The following ACVR1C variants were observed in gnomAD, a reference collection of about 807,000 sequenced individuals.
ACVR1C encodes the protein activin receptor type-1C.
ACVR1C carries 23 observed loss-of-function variants against 57.9 expected under a neutral mutation model. The ratio of observed to expected loss-of-function variants is 0.40; its 90% confidence interval spans 0.29 to 0.56. ACVR1C has a LOEUF of 0.56. Ranked by LOEUF, ACVR1C falls within the 20% of genes least tolerant of loss-of-function variation. The pLI is 0.50. For synonymous variants in ACVR1C, 214 were observed against 215.3 expected, an observed-to-expected ratio of 0.99 and a Z score of 0.05; for missense variants, 480 against 607.9, an observed-to-expected ratio of 0.79 and a Z score of 2.21.
chr2:157,606,624 A>T (rs2105144440), intron 1 of ACVR1C, among the ~76,000 whole-genome samples: 1 of 151,444 alleles, frequency 6.6e-6, no homozygotes, highest in Admixed American at 6.6e-5. Flanking sequence ...TCTATTCATA[A>T]TCTTTCCCCA....
Position 157,628,744 on chromosome 2 carries a change from A to G in ACVR1C, c.-100T>C. On this transcript the variant is annotated 5_prime_UTR_variant, in exon 1 of 9. Coordinates refer to ENST00000243349, the MANE Select transcript of ACVR1C (RefSeq NM_145259.3). ...TGAAGTTCCCGGGCCGCGGGAGGGG[A>G]GCGCGGCACCGACACCCTTTTGAAG... The G allele has an allele frequency of 9.2e-7, 1 of 1,088,794 alleles. No individual in the cohort carries two copies. Among genetic ancestry groups the G allele is most frequent in the Non-Finnish European group, 1.3e-6 (1 of 799,316 alleles). 67.4% of individuals were successfully genotyped at this position (1,088,794 alleles called of 1,614,324 possible).
At chr2:157,541,312 G>A (rs1687621471) in intron 6 of ACVR1C, 98 bp from the exon 7 acceptor site, 1 of 1,294,502 alleles carries the variant, frequency 7.7e-7, no homozygotes, top group Non-Finnish European at 1.0e-6. Context: ...ATTTTAAAAG[G>A]CAGATTTGAA....
chr2:157,623,309 G>A (rs1032486313), intron 1 of ACVR1C, among the ~76,000 whole-genome samples: 7 of 152,124 alleles, frequency 4.6e-5, no homozygotes, highest in Non-Finnish European at 1.0e-4. Flanking sequence ...GCACTTCCAT[G>A]TTTGTTGTAG....
chr2:157,596,902 G>A (rs1171244198), intron 1 of ACVR1C, among the ~76,000 whole-genome samples: 1 of 152,216 alleles, frequency 6.6e-6, no homozygotes, highest in African/African-American at 2.4e-5. Context: ...GTTAAAGGAT[G>A]TTAGGACAGT....
intron 1 of ACVR1C, among the ~76,000 whole-genome samples, chr2:157,608,435 C>T (rs1682456544): frequency 6.6e-6 from 1 of 151,676 alleles, no homozygotes; most frequent in East Asian, 1.9e-4. Flanking sequence ...GGGATATTGG[C>T]ATGTAGATTT....
chr2:157,616,469 T>C (rs1050099025), intron 1 of ACVR1C, among the ~76,000 whole-genome samples: 2 of 152,174 alleles, frequency 1.3e-5, no homozygotes, highest in Non-Finnish European at 2.9e-5. Flanking sequence ...TTCCACATTT[T>C]CCACTACAGT....
chr2:157,621,155 G>C (rs1682762445), intron 1 of ACVR1C, among the ~76,000 whole-genome samples: 1 of 152,120 alleles, frequency 6.6e-6, no homozygotes, highest in African/African-American at 2.4e-5. Context: ...ATGAATTCTT[G>C]AGATTAATTT....
intron 5 of ACVR1C, among the ~76,000 whole-genome samples, chr2:157,543,187 C>A (rs1330897665): frequency 2.0e-5 from 3 of 152,164 alleles, no homozygotes; most frequent in South Asian, 2.1e-4. Context: ...AAGAACATGG[C>A]AAATATTGTT....
chr2:157,542,560 C>T, intron 6 of ACVR1C, 146 bp downstream of exon 6: 1 of 964,594 alleles, frequency 1.0e-6, no homozygotes, highest in Non-Finnish European at 1.5e-6. Flanking sequence ...CACCCACTAA[C>T]TTCTCAGTGA....
At chr2:157,555,899 A>T (rs1413485517) in intron 3 of ACVR1C, among the ~76,000 whole-genome samples, 194 bp downstream of exon 3, 1 of 152,212 alleles carries the variant, frequency 6.6e-6, no homozygotes, top group Non-Finnish European at 1.5e-5. Flanking sequence ...AAAGCAACTG[A>T]GAAGACTTAA....
At chr2:157,547,914 A>C (rs921447578) in intron 4 of ACVR1C, among the ~76,000 whole-genome samples, 137 of 151,834 alleles carry the variant, frequency 9.0e-4, no homozygotes, top group Non-Finnish European at 1.4e-3. Flanking sequence ...CCTGAATGGT[A>C]ATGCCTAGGT....
Position 157,529,804 on chromosome 2 carries a change from G to GA in ACVR1C, c.*4113dup, listed in dbSNP as rs1455154798. ...AATGAAATATAAAGCAAGGCTAGATGAAAAAAAGAAAGTCAAATATCTATA... is the reference window on the plus strand; with the variant it reads ...AATGAAATATAAAGCAAGGCTAGATGAAAAAAAAGAAAGTCAAATATCTATA... On this transcript the variant is annotated 3_prime_UTR_variant, in exon 9 of 9. Transcript: ENST00000243349. The GA allele has an allele frequency of 2.0e-5, 3 of 151,742 alleles. No homozygotes were observed. Among genetic ancestry groups the GA allele is most frequent in the African/African-American group, 2.4e-5 (1 of 41,380 alleles). 9.4% of individuals were successfully genotyped at this position (151,742 alleles called of 1,614,324 possible). A position where few individuals can be genotyped will look rare whatever the true frequency, so the allele number is the denominator to read the frequency against.
intron 2 of ACVR1C, among the ~76,000 whole-genome samples, chr2:157,572,343 G>A (rs1323364005): frequency 1.6e-4 from 23 of 141,308 alleles, no homozygotes; most frequent in Non-Finnish European, 2.9e-4. Context: ...ATGTGCACAT[G>A]TACCCCAAAA....
rs1240950314 is a variant in ACVR1C, at chr2:157,554,267, GAAAGGAAGGAAGGA to G, written c.544+1812_544+1825del. On this transcript the variant is annotated intron_variant, in intron 3 of 8. Coordinates refer to ENST00000243349, the MANE Select transcript of ACVR1C (RefSeq NM_145259.3). ...AGAAAGAAAGAAAGAAAGAAAGAAA[GAAAGGAAGGAAGGA>G]AGAGAGAGAGAGAGAGAAAGAAAGA... Among the ~76,000 whole-genome samples, 51 of 131,862 alleles carry G rather than the reference GAAAGGAAGGAAGGA, an allele frequency of 3.9e-4. 2 individuals are homozygous for G. The highest frequency in any genetic ancestry group is 1.6e-3 in the African/African-American group (50 of 30,964). 86.5% of individuals were successfully genotyped at this position (131,862 alleles called of 152,430 possible). A position where few individuals can be genotyped will look rare whatever the true frequency, so the allele number is the denominator to read the frequency against.
intron 7 of ACVR1C, among the ~76,000 whole-genome samples, chr2:157,540,729 A>G (rs956015034): frequency 6.6e-6 from 1 of 152,242 alleles, no homozygotes; most frequent in South Asian, 2.1e-4. Context: ...AAAGCTTAAG[A>G]AACTGAACCC....
In ACVR1C at chr2:157,530,046, T is replaced by G. The variant is rs1687321331; in HGVS notation, c.*3872A>C. The G allele has an allele frequency of 6.6e-6, 1 of 152,104 alleles. No individual in the cohort carries two copies. Among genetic ancestry groups the G allele is most frequent in the Admixed American group, 6.6e-5 (1 of 15,234 alleles). The allele number at this position is 152,104 out of a possible 1,614,324, so 9.4% of individuals were successfully genotyped here. ...AGCATTGTCAAACAGAAATAGTATGTTTCACAAAAGATGTTTAAAATATCT... is the reference window on the plus strand; with the variant it reads ...AGCATTGTCAAACAGAAATAGTATGGTTCACAAAAGATGTTTAAAATATCT... On this transcript the variant is annotated 3_prime_UTR_variant, in exon 9 of 9. Coordinates refer to ENST00000243349, the MANE Select transcript of ACVR1C (RefSeq NM_145259.3).
At chr2:157,541,583 G>A (rs1009953364) in intron 6 of ACVR1C, among the ~76,000 whole-genome samples, 1 of 152,190 alleles carries the variant, frequency 6.6e-6, no homozygotes, top group Non-Finnish European at 1.5e-5. Flanking sequence ...TCTTGCAAGG[G>A]TGTTAGATCC....
intron 2 of ACVR1C, among the ~76,000 whole-genome samples, chr2:157,573,419 G>A (rs1230998787): frequency 6.6e-6 from 1 of 152,020 alleles, no homozygotes; most frequent in Non-Finnish European, 1.5e-5. Flanking sequence ...AAATATAATG[G>A]CATTATTAAA....
intron 1 of ACVR1C, among the ~76,000 whole-genome samples, chr2:157,611,695 G>A (rs1237592498): frequency 6.6e-6 from 1 of 152,146 alleles, no homozygotes; most frequent in African/African-American, 2.4e-5. Flanking sequence ...GGCATGTGTG[G>A]GTATATTTTG....
Sources: allele counts gnomAD v4.1 joint callset (sites outside exome capture counted in the v4.1 genomes callset), GRCh38; gene constraint gnomAD v4.1.1; transcripts MANE v1.5; gene names NCBI Gene and HGNC (gene_info 2026-07-23, HGNC 2026-07-21).